The following PTPRD variants were observed in gnomAD, a reference collection of about 807,000 sequenced individuals.
The protein encoded by PTPRD is receptor-type tyrosine-protein phosphatase delta.
In PTPRD, 34 loss-of-function variants were observed where a neutral mutation model predicts 214.5. The observed-to-expected ratio is 0.16, with a 90% CI of 0.12 to 0.21. The LOEUF (loss-of-function observed/expected upper bound fraction) is 0.21. Among genes scored for constraint, PTPRD ranks in the 10% least tolerant of loss-of-function variants. The pLI, the probability that PTPRD is intolerant of heterozygous loss-of-function variation, is 1.00. For missense variants in PTPRD, 2,545 were observed against 2,398.7 expected, an observed-to-expected ratio of 1.06 and a Z score of -1.27; for synonymous variants, 1,128 against 845.7, an observed-to-expected ratio of 1.33 and a Z score of -5.79.
intron 11 of PTPRD, among the ~76,000 whole-genome samples, chr9:8,947,303 A>C (rs1177093187): frequency 6.6e-6 from 1 of 151,664 alleles, no homozygotes; most frequent in Non-Finnish European, 1.5e-5. Flanking sequence ...CTCTACTAAA[A>C]ATACAAAAAG....
intron 11 of PTPRD, among the ~76,000 whole-genome samples, chr9:8,789,843 A>G (rs139652354): frequency 6.6e-6 from 1 of 152,346 alleles, no homozygotes; most frequent in Non-Finnish European, 1.5e-5. Flanking sequence ...AATTAACACT[A>G]TAAAACATTT....
chr9:8,602,505 G>A (rs889728278), intron 14 of PTPRD, among the ~76,000 whole-genome samples: 6 of 151,658 alleles, frequency 4.0e-5, no homozygotes, highest in African/African-American at 7.2e-5. Flanking sequence ...TTCCCTAAAC[G>A]TGTAAAAAGA....
intron 8 of PTPRD, among the ~76,000 whole-genome samples, chr9:9,409,219 T>C (rs544077849): frequency 1.3e-5 from 2 of 152,116 alleles, no homozygotes; most frequent in Admixed American, 6.6e-5. Context: ...GGGTATTCTA[T>C]GATAATATTT....
intron 11 of PTPRD, among the ~76,000 whole-genome samples, chr9:8,999,858 CA>C (rs2099410843): frequency 6.6e-6 from 1 of 151,944 alleles, no homozygotes; most frequent in Non-Finnish European, 1.5e-5. Context: ...CTTTGTGGAA[CA>C]GGGGGATGGG....
At chr9:8,624,307 T>A (rs2095935487) in intron 14 of PTPRD, among the ~76,000 whole-genome samples, 1 of 151,930 alleles carries the variant, frequency 6.6e-6, no homozygotes, top group Non-Finnish European at 1.5e-5. Flanking sequence ...GGTAATACTG[T>A]ATGTTTTCAG....
At chr9:10,601,836 T>G (rs1298033797) in intron 2 of PTPRD, among the ~76,000 whole-genome samples, 2 of 151,728 alleles carry the variant, frequency 1.3e-5, no homozygotes, top group East Asian at 3.9e-4. Context: ...CAAAAACTGC[T>G]CAGGTTGGCA....
At chr9:8,966,786 C>T (rs1350772672) in intron 11 of PTPRD, among the ~76,000 whole-genome samples, 2 of 152,094 alleles carry the variant, frequency 1.3e-5, no homozygotes, top group South Asian at 2.1e-4. Flanking sequence ...AGCTTATGCA[C>T]AGCAAAAGAA....
At chr9:8,334,038 G>C (rs781066595) in intron 43 of PTPRD, among the ~76,000 whole-genome samples, 4 of 152,084 alleles carry the variant, frequency 2.6e-5, no homozygotes, top group African/African-American at 9.7e-5. Context: ...ATAAAATAAA[G>C]CAAGTTCTTA....
At chr9:10,368,150 T>A (rs2154475525) in intron 2 of PTPRD, among the ~76,000 whole-genome samples, 1 of 152,246 alleles carries the variant, frequency 6.6e-6, no homozygotes, top group South Asian at 2.1e-4. Context: ...TATTGGTAAG[T>A]TGTCTTTAAA....
At position 10,349,729 on chromosome 9, in the gene PTPRD, A is replaced by G. The variant is rs186711467; in HGVS notation, c.-599-8712T>C. On this transcript the variant is annotated intron_variant, in intron 2 of 45. Coordinates refer to ENST00000381196, the MANE Select transcript of PTPRD (RefSeq NM_002839.4). ...AAAATAAAAACAAATTTTAAAAATC[A>G]CCTTTGGTAGGCTGAATAATTGCAT... Among the ~76,000 whole-genome samples, 611 of 152,328 alleles carry G rather than the reference A, an allele frequency of 4.0e-3. 10 individuals are homozygous for G. Among genetic ancestry groups the G allele is most frequent in the African/African-American group, 0.014 (572 of 41,560 alleles).
At chr9:10,103,395 T>TATATATATATATATATAGATATATATATA (rs34926923) in intron 3 of PTPRD, among the ~76,000 whole-genome samples, 1 of 116,698 alleles carries the variant, frequency 8.6e-6, no homozygotes, top group Non-Finnish European at 1.8e-5. Context: ...ATATATATAT[T>TATATATATATATATATAGATATATATATA]TATTTAAGAG....
intron 24 of PTPRD, among the ~76,000 whole-genome samples, chr9:8,500,050 C>CAAAAAAAAAAAAAAAAAAAAGAAAAAAA (rs34424655): frequency 1.3e-5 from 1 of 78,340 alleles, no homozygotes; most frequent in Non-Finnish European, 2.6e-5. Context: ...ATGACCGATG[C>CAAAAAAAAAAAAAAAAAAAAGAAAAAAA]AAAAAAAAAA....
chr9:9,820,208 G>C (rs921494424), intron 5 of PTPRD, among the ~76,000 whole-genome samples: 4 of 151,928 alleles, frequency 2.6e-5, no homozygotes, highest in Non-Finnish European at 5.9e-5. Context: ...ATCTCATTAT[G>C]GTTTTCATTT....
At chr9:10,194,333 TATATATATATATAGAGAGAG>T (rs1350476150) in intron 3 of PTPRD, among the ~76,000 whole-genome samples, 2 of 63,386 alleles carry the variant, frequency 3.2e-5, no homozygotes, top group South Asian at 1.3e-3. Context: ...TATATATATA[TATATATATATATAGAGAGAG>T]AGAGAGAGAG....
At position 10,578,587 on chromosome 9, in the gene PTPRD, A is replaced by C. The variant is rs115530927; in HGVS notation, c.-600+33811T>G. 1.4e-3 allele frequency among the ~76,000 whole-genome samples: 218 copies of C among 152,314 alleles called. 3 individuals carry two copies. Among genetic ancestry groups the C allele is most frequent in the African/African-American group, 5.0e-3 (208 of 41,574 alleles). On this transcript the variant is annotated intron_variant, in intron 2 of 45. Coordinates refer to ENST00000381196, the MANE Select transcript of PTPRD (RefSeq NM_002839.4). ...GTCATTTATATTCTTACAAATAAAA[A>C]AGATTGACCAATAACTGGGAATCCA...
chr9:10,460,777 C>A (rs1049434569), intron 2 of PTPRD, among the ~76,000 whole-genome samples: 2 of 151,968 alleles, frequency 1.3e-5, no homozygotes, highest in Admixed American at 6.6e-5. Context: ...GACTTGAAAT[C>A]ATAAAACTCC....
chr9:8,729,701 A>G lies in PTPRD; in HGVS notation c.64+4079T>C, dbSNP rs143034108. ...AGCAAGATTGATCAAAATGACAAAG[A>G]TATGGGAAACTGAGGCTAAAAGCAT... On this transcript the variant is annotated intron_variant, in intron 12 of 45. Transcript: ENST00000381196. Among the ~76,000 whole-genome samples, 32 of 152,330 alleles carry G rather than the reference A, an allele frequency of 2.1e-4. 1 individual carries two copies. In the East Asian group the frequency reaches 6.2e-3, roughly 29 times the overall value.
At chr9:8,395,188 A>G (rs181147016) in intron 36 of PTPRD, among the ~76,000 whole-genome samples, 143 of 152,308 alleles carry the variant, frequency 9.4e-4, no homozygotes, top group East Asian at 3.3e-3. Context: ...GTTGTAAGAC[A>G]GAAGTACTCA....
intron 9 of PTPRD, among the ~76,000 whole-genome samples, chr9:9,231,494 A>G (rs1044872065): frequency 2.2e-4 from 33 of 152,134 alleles, no homozygotes; most frequent in African/African-American, 8.0e-4. Context: ...TGATACCCAA[A>G]TTGGACAATT....
Sources: gnomAD v4.1 joint callset for allele counts (sites outside exome capture counted in the v4.1 genomes callset) on GRCh38, gnomAD v4.1.1 for gene constraint, MANE v1.5 for transcripts, NCBI Gene and HGNC (gene_info 2026-07-23, HGNC 2026-07-21) for gene names.